Variants in ATG9B observed in about 807,000 individuals in gnomAD.
The protein encoded by ATG9B is autophagy-related protein 9B.
ATG9B carries 92 observed loss-of-function variants against 92.9 expected under a neutral mutation model. That is an observed-to-expected ratio of 0.99 (90% CI 0.84 to 1.18). The LOEUF is 1.18. Ranked by LOEUF, ATG9B falls within the 50% of genes most tolerant of loss-of-function variation. ATG9B has a pLI of 0.00. For synonymous variants in ATG9B, 599 were observed against 551.4 expected (o/e 1.09, Z -1.21); for missense variants, 1,344 against 1,235.0 (o/e 1.09, Z -1.32).
At position 151,015,680 on chromosome 7, in the gene ATG9B, C is replaced by T. The variant is rs1795448378; in HGVS notation, c.*48G>A. 3 of 609,918 alleles carry T rather than the reference C, an allele frequency of 4.9e-6. No individual in the cohort carries two copies. Among genetic ancestry groups the T allele is most frequent in the African/African-American group, 1.9e-5 (1 of 52,900 alleles). 37.8% of individuals were successfully genotyped at this position (609,918 alleles called of 1,614,324 possible). ...ACTCCTTGTGTTTTTCTACTCCACC[C>T]TCCAATCTCCTGTGGCTGCCGAAGC... On this transcript the variant is annotated 3_prime_UTR_variant, in exon 14 of 14. Transcript: ENST00000639579.
At chr7:151,016,314 T>C in intron 11 of ATG9B, 79 bp from the exon 12 acceptor site, 1 of 1,479,978 alleles carries the variant, frequency 6.8e-7, no homozygotes, top group Non-Finnish European at 9.0e-7. Flanking sequence ...GCAGAGGGCT[T>C]TTCAGCCTCC....
rs191759925 is a variant in ATG9B at position 151,024,402 on chromosome 7, C to A, written c.22G>T (p.Gly8Trp). 687 of 1,376,230 alleles carry A rather than the reference C, an allele frequency of 5.0e-4. 1 individual carries two copies. The East Asian group carries it at 5.5e-3, about 11-fold the overall frequency. The allele number at this position is 1,376,230 out of a possible 1,614,324, so 85.3% of individuals were successfully genotyped here. A position where few individuals can be genotyped will look rare whatever the true frequency, so the allele number is the denominator to read the frequency against. ...CGCCCCAGCCGCCTTCTTCTCCCCC[C>A]CCAGCCCATTCGGCTCACCATCAGG... is the stretch of plus-strand genomic sequence containing the variant. MVSRMGWGGRRRRLGRWG... is the reference protein window; with the variant it reads MVSRMGWWGRRRRLGRWG... Residue 8 changes from glycine (G) to tryptophan (W), a missense_variant, in exon 1 of 14, where the codon GGG (glycine) becomes TGG (tryptophan). By Grantham distance (184) the Gly-to-Trp change is radical. Coordinates refer to ENST00000639579, the MANE Select transcript of ATG9B (RefSeq NM_001317056.2).
chr7:151,013,885 G>A (rs199844707), downstream of ATG9B: 2 of 1,600,918 alleles, frequency 1.2e-6, no homozygotes, highest in East Asian at 2.3e-5. Flanking sequence ...ACATGGAGCT[G>A]GACGAGGCCG....
At chr7:151,013,490 A>C, downstream of ATG9B, 1 of 1,367,154 alleles carries the variant, frequency 7.3e-7, no homozygotes. Context: ...TCCCACGACC[A>C]CTCAGCCACC....
rs1458730140 is a variant in ATG9B at position 151,023,194 on chromosome 7, G to T, written c.672C>A (p.Phe224Leu). 5 of 1,614,070 alleles carry T rather than the reference G, an allele frequency of 3.1e-6. No individual in the cohort carries two copies. In the East Asian group the frequency reaches 1.1e-4, roughly 36 times the overall value. Residue 224 changes from phenylalanine to leucine, a missense_variant, in exon 4 of 14, where the codon TTC becomes TTA. Phe to Leu is a conservative substitution (Grantham distance 22). Coordinates refer to ENST00000639579, the MANE Select transcript of ATG9B (RefSeq NM_001317056.2). ...GGAGGAAGGTTGTGAAGGTGACAAT[G>T]AAAATAAATTGTCTGCCGGGAGGAA... ...EDVFQLGQFI[F>L]IVTFTTFLLR...
At chr7:151,012,221 TTTTG>T (rs2117137730), downstream of ATG9B, 1 of 821,136 alleles carries the variant, frequency 1.2e-6, no homozygotes, top group African/African-American at 1.7e-5. Flanking sequence ...GTTTTTTGTT[TTTTG>T]TTTTTTTTTT....
intron 4 of ATG9B, among the ~76,000 whole-genome samples, chr7:151,022,320 G>A (rs1163423820): frequency 1.5e-5 from 2 of 136,050 alleles, no homozygotes; most frequent in East Asian, 4.1e-4. Context: ...ATTTTTTATA[G>A]AGATGTGGTC....
chr7:151,017,498 G>A (rs148743489), intron 8 of ATG9B, among the ~76,000 whole-genome samples: 3,448 of 152,238 alleles, frequency 0.023, 71 homozygotes, highest in Non-Finnish European at 0.035. Flanking sequence ...TCAGTGCTTT[G>A]CCCAGGGTGA....
chr7:151,014,347 T>C, downstream of ATG9B: 1 of 694,082 alleles, frequency 1.4e-6, no homozygotes, highest in Non-Finnish European at 2.3e-6. Context: ...TTTCCCTCTC[T>C]AGGCCTGTTG....
Position 151,016,443 on chromosome 7 carries a change from GATGAC to G in ATG9B, c.2503_2507del (p.Val835LeufsTer17). The G allele has an allele frequency of 6.4e-7, 1 of 1,551,516 alleles. No individual in the cohort carries two copies. The highest frequency in any genetic ancestry group is 1.2e-5 in the South Asian group (1 of 84,054). On this transcript the variant is annotated frameshift_variant, in exon 11 of 14. Transcript: ENST00000639579. LOFTEE classifies it high-confidence loss of function. ...CCCCTCTACTCACCTGGTGCAGGTA[GATGAC>G]ATGGAGACTCATCTCGGCAGAAGCA...
In ATG9B at chr7:151,017,057, G is replaced by C. The variant is rs527562936; in HGVS notation, c.2268C>G (p.Leu756=). The C allele has an allele frequency of 6.3e-7, 1 of 1,598,288 alleles. No individual in the cohort carries two copies. The highest frequency in any genetic ancestry group is 2.3e-5 in the East Asian group (1 of 44,086). ...TCACCAGGGGCGAGGTGCAGTTGCT[G>C]AGCACCCCCGGGGTGGAGGGGCCGC... The part of the protein sequence containing the change: ...SARGPSTPGV[L]SNCTSPLPEA... Residue 756 remains leucine (L), a synonymous_variant, in exon 9 of 14, where the codon CTC becomes CTG. Transcript: ENST00000639579.
At position 151,024,387 on chromosome 7, in the gene ATG9B, G is replaced by T. The variant is rs374438740; in HGVS notation, c.37C>A (p.Arg13=). 2.5e-5 allele frequency: 34 copies of T among 1,372,926 alleles called. No homozygotes were observed. The highest frequency in any genetic ancestry group is 9.0e-5 in the Admixed American group (3 of 33,218). 85.0% of individuals were successfully genotyped at this position (1,372,926 alleles called of 1,614,324 possible). ...SRMGWGGRRR[R]LGRWGDLGPG... is the part of the protein sequence containing the mutation. ...CCCAGATCTCCCCACCGCCCCAGCCGCCTTCTTCTCCCCCCCCAGCCCATT... is the reference window on the plus strand; with the variant it reads ...CCCAGATCTCCCCACCGCCCCAGCCTCCTTCTTCTCCCCCCCCAGCCCATT... The change falls in exon 1 of 14, where the codon CGG becomes AGG. Residue 13 remains arginine, a synonymous_variant. Transcript: ENST00000639579.
Position 151,016,227 on chromosome 7 carries a change from C to G in ATG9B, c.2529G>C (p.Gln843His), listed in dbSNP as rs753925921. 17 of 1,486,230 alleles carry G rather than the reference C, an allele frequency of 1.1e-5. No homozygotes were observed. The highest frequency in any genetic ancestry group is 5.5e-5 in the South Asian group (4 of 73,178). The allele number at this position is 1,486,230 out of a possible 1,614,324, so 92.1% of individuals were successfully genotyped here. A position where few individuals can be genotyped will look rare whatever the true frequency, so the allele number is the denominator to read the frequency against. Residue 843 changes from glutamine (Q) to histidine (H), a missense_variant, in exon 12 of 14, where the codon CAG (glutamine) becomes CAC (histidine). Gln to His is a conservative substitution (Grantham distance 24). Transcript: ENST00000639579. ...LHVIYLHQLHQQQQQQEPWGE... is the reference protein window; with the variant it reads ...LHVIYLHQLHHQQQQQEPWGE... ...CCCACGGCTCCTGCTGCTGCTGCTG[C>G]TGGTGAAGCTGCATGGAAAGGAGGA...
Position 151,021,302 on chromosome 7 carries a change from G to A in ATG9B, c.849C>T (p.Leu283=), listed in dbSNP as rs573461241. Residue 283 remains leucine, a synonymous_variant, in exon 5 of 14, where the codon CTC becomes CTT. Coordinates refer to ENST00000639579, the MANE Select transcript of ATG9B (RefSeq NM_001317056.2). ...AGAAGCCGGCAGCCAGGACCAGGAG[G>A]AGGACCAGCAGCGGGCTGGAGCGGA... is the stretch of plus-strand genomic sequence containing the variant. The part of the protein sequence containing the change: ...ERIRSSPLLV[L]LLVLAAGFWL... The A allele has an allele frequency of 2.1e-5, 34 of 1,612,964 alleles. No homozygotes were observed. In the African/African-American group the frequency reaches 4.3e-4, roughly 20 times the overall value.
chr7:151,013,509 C>A (rs771810010), downstream of ATG9B: 23 of 1,251,560 alleles, frequency 1.8e-5, no homozygotes, highest in Non-Finnish European at 2.4e-5. Flanking sequence ...CCCCTGCACA[C>A]TCTGGCCCAC....
Position 151,018,861 on chromosome 7 carries a change from T to G in ATG9B, c.1477A>C (p.Asn493His). The change falls in exon 6 of 14, where the codon AAC becomes CAC. Residue 493 changes from asparagine to histidine, a missense_variant. Transcript: ENST00000639579. The surrounding 1 kb of genome is among the most constrained non-coding windows in gnomAD (Gnocchi z 4.7). ...RLARLQLRHF[N>H]ELPHELRARL... ...GCGCGCAGCTCGTGCGGCAGCTCGT[T>G]GAAGTGGCGCAGCTGCAAGCGCGCC... 4 of 1,331,508 alleles carry G rather than the reference T, an allele frequency of 3.0e-6. No individual in the cohort carries two copies. Among genetic ancestry groups the G allele is most frequent in the Non-Finnish European group, 3.8e-6 (4 of 1,045,714 alleles). The allele number at this position is 1,331,508 out of a possible 1,614,324, so 82.5% of individuals were successfully genotyped here. A position where few individuals can be genotyped will look rare whatever the true frequency, so the allele number is the denominator to read the frequency against.
chr7:151,016,232 G>T lies in ATG9B; in HGVS notation c.2524C>A (p.His842Asn). 6.7e-7 allele frequency: 1 copy of T among 1,491,690 alleles called. No individual in the cohort carries two copies. Among genetic ancestry groups the T allele is most frequent in the South Asian group, 1.4e-5 (1 of 73,920 alleles). The allele number at this position is 1,491,690 out of a possible 1,614,324, so 92.4% of individuals were successfully genotyped here. A position where few individuals can be genotyped will look rare whatever the true frequency, so the allele number is the denominator to read the frequency against. Reference protein sequence around the residue: ...SLHVIYLHQLHQQQQQQEPWG... With the variant: ...SLHVIYLHQLNQQQQQQEPWG... ...GGCTCCTGCTGCTGCTGCTGCTGGT[G>T]AAGCTGCATGGAAAGGAGGAGGAAT... Residue 842 changes from histidine to asparagine, a missense_variant, in exon 12 of 14, where the codon CAC (histidine) becomes AAC (asparagine). His to Asn is a moderately conservative substitution (Grantham distance 68). Transcript: ENST00000639579.
At chr7:151,022,068 T>C (rs1477383901) in intron 4 of ATG9B, among the ~76,000 whole-genome samples, 3 of 148,342 alleles carry the variant, frequency 2.0e-5, no homozygotes, top group African/African-American at 7.6e-5. Flanking sequence ...GAAACATAGC[T>C]CCTATCTCCC....
downstream of ATG9B, chr7:151,012,982 G>A (rs1795339393): frequency 1.9e-6 from 1 of 525,134 alleles, no homozygotes; most frequent in Non-Finnish European, 3.3e-6. Flanking sequence ...TGAGTCCGAA[G>A]CCGCGCATTC....
Sources: allele counts gnomAD v4.1 joint callset (sites outside exome capture counted in the v4.1 genomes callset), GRCh38; gene constraint gnomAD v4.1.1; non-coding constraint Gnocchi (gnomAD v3.1); transcripts MANE v1.5; gene names NCBI Gene and HGNC (gene_info 2026-07-23, HGNC 2026-07-21).